The following PGGHG variants were observed in gnomAD, a reference collection of about 807,000 sequenced individuals.
PGGHG encodes protein-glucosylgalactosylhydroxylysine glucosidase.
In PGGHG, 67 loss-of-function variants were observed where a neutral mutation model predicts 74.5. The observed-to-expected ratio is 0.90, with a 90% CI of 0.74 to 1.10. The LOEUF is 1.10. Ranked by LOEUF, PGGHG falls within the 50% of genes least tolerant of loss-of-function variation. The pLI is 0.00. For synonymous variants in PGGHG, 496 were observed against 419.9 expected (o/e 1.18, Z -2.21); for missense variants, 1,034 against 981.5 (o/e 1.05, Z -0.72).
At position 289,219 on chromosome 11, in the gene PGGHG, C is replaced by G. The variant is rs1430622084; in HGVS notation, c.-34C>G. 1.3e-5 allele frequency: 2 copies of G among 151,306 alleles called. No homozygotes were observed. The allele number at this position is 151,306 out of a possible 1,614,324, so 9.4% of individuals were successfully genotyped here. A position where few individuals can be genotyped will look rare whatever the true frequency, so the allele number is the denominator to read the frequency against. ...GGACACAGGTTCCCACGCTGGCGCC[C>G]GGCGACCGGGTGGGGCTGCGGTGAG... On this transcript the variant is annotated 5_prime_UTR_variant, in exon 1 of 14. Transcript: ENST00000409548. The surrounding 1 kb of genome is among the most constrained non-coding windows in gnomAD (Gnocchi z 5.6).
chr11:291,938 G>C (rs1355705911), intron 4 of PGGHG, 38 bp from the exon 5 acceptor site: 2 of 1,568,020 alleles, frequency 1.3e-6, no homozygotes. Flanking sequence ...GAGCAGTGAC[G>C]GCCTGTCCGG....
intron 10 of PGGHG, 49 bp from the exon 11 acceptor site, chr11:293,781 C>T (rs1173010842): frequency 6.2e-7 from 1 of 1,613,396 alleles, no homozygotes; most frequent in Non-Finnish European, 8.5e-7. Context: ...GTCTTCTCTG[C>T]CCACGCAGTG....
chr11:291,763 C>G, intron 4 of PGGHG: 1 of 613,158 alleles, frequency 1.6e-6, no homozygotes, highest in Non-Finnish European at 2.6e-6. Flanking sequence ...GCTGGGGAGG[C>G]GAAGTGTGGG....
intron 5 of PGGHG, 25 bp from the exon 6 acceptor site, chr11:292,521 A>G (rs199995533): frequency 9.9e-6 from 16 of 1,611,714 alleles, no homozygotes; most frequent in Non-Finnish European, 1.3e-5. Flanking sequence ...AACAAGGTCA[A>G]GTCTGCCCCC....
Position 290,750 on chromosome 11 carries a change from A to G in PGGHG, c.543A>G (p.Thr181=). Residue 181 remains threonine (T), a synonymous_variant, in exon 4 of 14, where the codon ACA becomes ACG. Coordinates refer to ENST00000409548, the MANE Select transcript of PGGHG (RefSeq NM_025092.5). Reference sequence around the variant, plus strand: ...AGCAAGAGGTACACATGCTGTGGACACCAGCACCCCCAGACCTGACCCTTG... The same window carrying G: ...AGCAAGAGGTACACATGCTGTGGACGCCAGCACCCCCAGACCTGACCCTTG... ...GPQQEVHMLW[T]PAPPDLTLGE... 6.2e-7 allele frequency: 1 copy of G among 1,611,330 alleles called. No homozygotes were observed. The highest frequency in any genetic ancestry group is 8.5e-7 in the Non-Finnish European group (1 of 1,179,008).
At position 292,684 on chromosome 11, in the gene PGGHG, T is replaced by A; in HGVS notation, c.1158+7T>A. The stretch of plus-strand genomic sequence containing the variant: ...GTACTACCATACCACCCAGGTGAGG[T>A]GCTGCGTGCCCACCATTCCTGCAAG... On this transcript the variant is annotated splice_region_variant and intron_variant, in intron 6 of 13. Transcript: ENST00000409548. 6.2e-7 allele frequency: 1 copy of A among 1,613,666 alleles called. No homozygotes were observed. The highest frequency in any genetic ancestry group is 1.3e-5 in the African/African-American group (1 of 75,040).
rs112633783 is a variant in PGGHG, at chr11:293,023, G to A, written c.1270+26G>A. The A allele has an allele frequency of 8.9e-5, 144 of 1,613,842 alleles. 1 individual carries two copies. In the African/African-American group the frequency reaches 1.3e-3, roughly 15 times the overall value. On this transcript the variant is annotated intron_variant, in intron 7 of 13. Coordinates refer to ENST00000409548, the MANE Select transcript of PGGHG (RefSeq NM_025092.5). The stretch of plus-strand genomic sequence containing the variant: ...GTGAGGCCATGGTGGGGAGGGGCTC[G>A]GGGAGGAAGGGTGGATGCTCCCAGA...
At position 289,294 on chromosome 11, in the gene PGGHG, C is replaced by G. The variant is rs1845645104; in HGVS notation, c.-14+55C>G. On this transcript the variant is annotated intron_variant, in intron 1 of 13. Coordinates refer to ENST00000409548, the MANE Select transcript of PGGHG (RefSeq NM_025092.5). This position sits in a 1 kb window ranked among gnomAD's most constrained non-coding sequence, Gnocchi z 5.6. ...TCCCGGCCGCCCCGGCCCGTCCCCC[C>G]AGCCCCCGGTCGCCCCATCCTCCCT... 2 of 145,982 alleles carry G rather than the reference C, an allele frequency of 1.4e-5. No homozygotes were observed. The highest frequency in any genetic ancestry group is 5.0e-5 in the African/African-American group (2 of 39,960). 9.0% of individuals were successfully genotyped at this position (145,982 alleles called of 1,614,324 possible).
At position 290,690 on chromosome 11, in the gene PGGHG, C is replaced by T; in HGVS notation, c.483C>T (p.Gly161=). 1 of 1,605,184 alleles carries T rather than the reference C, an allele frequency of 6.2e-7. No individual in the cohort carries two copies. Among genetic ancestry groups the T allele is most frequent in the Non-Finnish European group, 8.5e-7 (1 of 1,174,744 alleles). Residue 161 remains glycine (G), a synonymous_variant, in exon 4 of 14, where the codon GGC becomes GGT. Coordinates refer to ENST00000409548, the MANE Select transcript of PGGHG (RefSeq NM_025092.5). ...PDFQGARYLY[G]HTLTPEQPGG... ...CACGCTCTCACAGGTACCTGTATGG[C>T]CACACCCTCACCCCTGAGCAGCCCG...
chr11:294,501 A>G (rs755038181), intron 13 of PGGHG, 23 bp downstream of exon 13: 2 of 331,372 alleles, frequency 6.0e-6, no homozygotes, highest in African/African-American at 1.6e-4. Context: ...CCAACAGCCC[A>G]GGTGCCTGCG....
In PGGHG at chr11:293,936, C is replaced by T. The variant is rs2134030152; in HGVS notation, c.1710+11C>T. ...GCTGAACCCTTCAAGGTCAGCCTGG[C>T]CACACCTGCCTCCCACTGGGCCCCT... On this transcript the variant is annotated intron_variant, in intron 11 of 13. Transcript: ENST00000409548. The T allele has an allele frequency of 6.2e-7, 1 of 1,607,620 alleles. No individual in the cohort carries two copies. Among genetic ancestry groups the T allele is most frequent in the Non-Finnish European group, 8.5e-7 (1 of 1,177,368 alleles).
At position 290,658 on chromosome 11, in the gene PGGHG, G is replaced by C; in HGVS notation, c.471-20G>C. 1 of 1,610,014 alleles carries C rather than the reference G, an allele frequency of 6.2e-7. No homozygotes were observed. The highest frequency in any genetic ancestry group is 2.2e-5 in the East Asian group (1 of 44,770). Reference sequence around the variant, plus strand: ...TCCAGGGAGGGAGCTCATCCCTGAGGCATGGCCACGCTCTCACAGGTACCT... The same window carrying C: ...TCCAGGGAGGGAGCTCATCCCTGAGCCATGGCCACGCTCTCACAGGTACCT... On this transcript the variant is annotated intron_variant, in intron 3 of 13. Transcript: ENST00000409548.
Position 294,860 on chromosome 11 carries a change from C to T in PGGHG, c.*111C>T. 1 of 1,287,706 alleles carries T rather than the reference C, an allele frequency of 7.8e-7. No individual in the cohort carries two copies. Among genetic ancestry groups the T allele is most frequent in the African/African-American group, 1.5e-5 (1 of 66,842 alleles). The allele number at this position is 1,287,706 out of a possible 1,614,324, so 79.8% of individuals were successfully genotyped here. A position where few individuals can be genotyped will look rare whatever the true frequency, so the allele number is the denominator to read the frequency against. On this transcript the variant is annotated 3_prime_UTR_variant, in exon 14 of 14. Transcript: ENST00000409548. ...GCCATCCCTCACCTGCAGCCAGGCT[C>T]TCAGGGAAGGTCCATGCTGCTTGGC...
At chr11:293,048 AC>A in intron 7 of PGGHG, 51 bp downstream of exon 7, 1 of 1,613,718 alleles carries the variant, frequency 6.2e-7, no homozygotes, top group Non-Finnish European at 8.5e-7. Flanking sequence ...ATGCTCCCAG[AC>A]TCAGCAGATG....
At chr11:291,348 G>T (rs1845715115) in intron 4 of PGGHG, 2 of 512,272 alleles carry the variant, frequency 3.9e-6, no homozygotes, top group South Asian at 7.2e-5. Context: ...GTGGGGAGGG[G>T]CCTCCACCAA....
chr11:294,001 A>C lies in PGGHG; in HGVS notation c.1710+76A>C. 1.9e-6 allele frequency: 3 copies of C among 1,587,636 alleles called. No homozygotes were observed. The South Asian group carries it at 3.4e-5, about 18-fold the overall frequency. On this transcript the variant is annotated intron_variant, in intron 11 of 13. Coordinates refer to ENST00000409548, the MANE Select transcript of PGGHG (RefSeq NM_025092.5). ...AGCCCAGCCTCAGAGCAGGCACAGCAGGGTGCACCCCTGGAGCTTCCTGCC... is the reference window on the plus strand; with the variant it reads ...AGCCCAGCCTCAGAGCAGGCACAGCCGGGTGCACCCCTGGAGCTTCCTGCC...
chr11:295,938 C>G lies in PGGHG; in HGVS notation c.*1189C>G, dbSNP rs1410264418. On this transcript the variant is annotated 3_prime_UTR_variant, in exon 14 of 14. Coordinates refer to ENST00000409548, the MANE Select transcript of PGGHG (RefSeq NM_025092.5). The stretch of plus-strand genomic sequence containing the variant: ...CTGTGGAAACATCTTTCAGGCAGCT[C>G]TAGGGTCTGGGGGCCAGGATGCCTG... The G allele has an allele frequency of 1.3e-5, 2 of 152,330 alleles. No individual in the cohort carries two copies. Among genetic ancestry groups the G allele is most frequent in the African/African-American group, 4.8e-5 (2 of 41,458 alleles). 9.4% of individuals were successfully genotyped at this position (152,330 alleles called of 1,614,324 possible).
chr11:293,425 T>C lies in PGGHG; in HGVS notation c.1403T>C (p.Leu468Pro). 6.2e-7 allele frequency: 1 copy of C among 1,612,558 alleles called. No homozygotes were observed. Among genetic ancestry groups the C allele is most frequent in the Non-Finnish European group, 8.5e-7 (1 of 1,179,994 alleles). Reference protein sequence around the residue: ...DLGLPIPSQWLAVADKIKVPF... With the variant: ...DLGLPIPSQWPAVADKIKVPF... ...GGTCTTCCCATCCCCAGCCAGTGGC[T>C]GGCGGTGGCTGACAAGATCAAGGTA... is the stretch of plus-strand genomic sequence containing the variant. The change falls in exon 9 of 14, where the codon CTG (leucine) becomes CCG (proline). Residue 468 changes from leucine (L) to proline (P), a missense_variant. Coordinates refer to ENST00000409548, the MANE Select transcript of PGGHG (RefSeq NM_025092.5).
chr11:289,568 A>T lies in PGGHG; in HGVS notation c.-13-236A>T, dbSNP rs1845654495. 6 of 562,586 alleles carry T rather than the reference A, an allele frequency of 1.1e-5. No individual in the cohort carries two copies. The highest frequency in any genetic ancestry group is 1.9e-5 in the Non-Finnish European group (6 of 321,256). 34.8% of individuals were successfully genotyped at this position (562,586 alleles called of 1,614,324 possible). On this transcript the variant is annotated intron_variant, in intron 1 of 13. Coordinates refer to ENST00000409548, the MANE Select transcript of PGGHG (RefSeq NM_025092.5). This position sits in a 1 kb window ranked among gnomAD's most constrained non-coding sequence, Gnocchi z 5.6. ...TTCTAAGGTAGCAGGAGGGAGAGAC[A>T]CACTCAGGGGCTCAGCTGGGTTCCT...
Sources: allele counts gnomAD v4.1 joint callset, GRCh38; gene constraint gnomAD v4.1.1; non-coding constraint Gnocchi (gnomAD v3.1); transcripts MANE v1.5; gene names NCBI Gene and HGNC (gene_info 2026-07-23, HGNC 2026-07-21).